TASP1: variants seen among roughly 807,000 people sequenced by gnomAD.
The protein encoded by TASP1 is taspase 1.
In TASP1, 16 loss-of-function variants were observed where a neutral mutation model predicts 56.6. That is an observed-to-expected ratio of 0.28 (90% CI 0.19 to 0.43). The LOEUF is 0.43. TASP1 is among the 20% of genes least tolerant of loss of function. The probability of loss-of-function intolerance (pLI) is 1.00; values close to 1 mark genes in which losing one functional copy is unlikely to be tolerated. For synonymous variants in TASP1, 179 were observed against 184.2 expected, an observed-to-expected ratio of 0.97 and a Z score of 0.23; for missense variants, 393 against 511.6, an observed-to-expected ratio of 0.77 and a Z score of 2.24.
intron 6 of TASP1, among the ~76,000 whole-genome samples, chr20:13,574,304 GC>G (rs2046824815): frequency 6.6e-6 from 1 of 152,114 alleles, no homozygotes; most frequent in Admixed American, 6.6e-5. Flanking sequence ...TAAGTTTAAA[GC>G]GAGACCTGAA....
At chr20:13,392,469 G>A (rs905713104) in intron 13 of TASP1, among the ~76,000 whole-genome samples, 1 of 152,194 alleles carries the variant, frequency 6.6e-6, no homozygotes, top group African/African-American at 2.4e-5. Flanking sequence ...GTTTTGGGCA[G>A]AAGCTTTGTT....
At chr20:13,631,223 T>C (rs750385627) in intron 1 of TASP1, among the ~76,000 whole-genome samples, 13 of 152,204 alleles carry the variant, frequency 8.5e-5, no homozygotes, top group Non-Finnish European at 1.6e-4. Flanking sequence ...ACAAATCATT[T>C]AAAATCAATT....
intron 4 of TASP1, among the ~76,000 whole-genome samples, chr20:13,599,004 C>T (rs910484227): frequency 7.9e-5 from 12 of 151,970 alleles, no homozygotes; most frequent in African/African-American, 2.9e-4. Flanking sequence ...ATTAGAACGG[C>T]GATCATTAAA....
At chr20:13,321,775 ATCTTT>A in the TASP1 span, among the ~76,000 whole-genome samples, 1 of 152,220 alleles carries the variant, frequency 6.6e-6, no homozygotes, top group Non-Finnish European at 1.5e-5. Context: ...TTGAATTCAC[ATCTTT>A]TCTTTTCATG....
intron 11 of TASP1, among the ~76,000 whole-genome samples, chr20:13,481,385 G>A (rs942054448): frequency 6.6e-6 from 1 of 152,082 alleles, no homozygotes; most frequent in Non-Finnish European, 1.5e-5. Context: ...ACAAACATGG[G>A]AGTGCAAATA....
At chr20:13,364,771 C>T in the TASP1 span, among the ~76,000 whole-genome samples, 1,638 of 152,304 alleles carry the variant, frequency 0.011, 31 homozygotes, top group African/African-American at 0.035. Context: ...GCTGTACCTA[C>T]TGCATTTCCC....
chr20:13,527,696 G>C (rs1018984183), intron 10 of TASP1, among the ~76,000 whole-genome samples: 1 of 151,966 alleles, frequency 6.6e-6, no homozygotes, highest in East Asian at 1.9e-4. Context: ...AAGAAGACCT[G>C]TATTACATTA....
At chr20:13,436,257 T>C (rs949398207) in intron 11 of TASP1, among the ~76,000 whole-genome samples, 1 of 152,156 alleles carries the variant, frequency 6.6e-6, no homozygotes, top group African/African-American at 2.4e-5. Context: ...AGATGGTAGG[T>C]TGACAGTGTC....
At chr20:13,502,888 A>AGAGGAT (rs2043996299) in intron 10 of TASP1, among the ~76,000 whole-genome samples, 1 of 152,178 alleles carries the variant, frequency 6.6e-6, no homozygotes, top group South Asian at 2.1e-4. Context: ...GAGACTAAGA[A>AGAGGAT]GAGGATGGGT....
In TASP1 at chr20:13,528,237, A is replaced by AG. The variant is rs373423652; in HGVS notation, c.874+195_874+196insC. The stretch of plus-strand genomic sequence containing the variant: ...TCTGACTCAAAAAAAAAAAAAAAAA[A>AG]AAAAAAAGAAAATGTTAGCAAAGTA... On this transcript the variant is annotated intron_variant, in intron 10 of 13. Coordinates refer to ENST00000337743, the MANE Select transcript of TASP1 (RefSeq NM_017714.3). Among the ~76,000 whole-genome samples, 608 of 150,314 alleles carry AG rather than the reference A, an allele frequency of 4.0e-3. 9 individuals carry two copies. Among genetic ancestry groups the AG allele is most frequent in the Non-Finnish European group, 5.8e-3 (394 of 67,660 alleles).
chr20:13,542,931 C>A, intron 8 of TASP1, among the ~76,000 whole-genome samples: 1 of 150,456 alleles, frequency 6.6e-6, no homozygotes, highest in Non-Finnish European at 1.5e-5. Context: ...ACAAGACAAA[C>A]ACAAAGAAAA....
chr20:13,174,737 T>G, the TASP1 span, among the ~76,000 whole-genome samples: 1 of 152,010 alleles, frequency 6.6e-6, no homozygotes, highest in Non-Finnish European at 1.5e-5. Context: ...GAAGATGAAC[T>G]TCTTTCATTA....
At chr20:13,184,473 C>A in the TASP1 span, among the ~76,000 whole-genome samples, 1 of 152,146 alleles carries the variant, frequency 6.6e-6, no homozygotes, top group Non-Finnish European at 1.5e-5. Context: ...TGAATTAATA[C>A]ATTGCACTTC....
the TASP1 span, among the ~76,000 whole-genome samples, chr20:13,362,156 C>T: frequency 0.2 from 28,678 of 142,608 alleles, 3,193 homozygotes; most frequent in African/African-American, 0.33. Flanking sequence ...TCTCTCTCCG[C>T]ACCACCCCCC....
chr20:13,164,824 G>A, the TASP1 span: 153 of 1,613,598 alleles, frequency 9.5e-5, no homozygotes, highest in Non-Finnish European at 1.2e-4. Context: ...AAGTCAGCAC[G>A]TCCTGAGCTC....
chr20:13,475,232 T>A (rs374298978), intron 11 of TASP1, among the ~76,000 whole-genome samples: 3 of 152,304 alleles, frequency 2.0e-5, no homozygotes, highest in African/African-American at 7.2e-5. Flanking sequence ...GATATCTTAA[T>A]GGTGGCATAC....
chr20:13,241,277 A>G, the TASP1 span, among the ~76,000 whole-genome samples: 1 of 152,188 alleles, frequency 6.6e-6, no homozygotes, highest in East Asian at 1.9e-4. Flanking sequence ...AGAATATACA[A>G]ATAAGTCTTG....
At chr20:13,427,364 G>C (rs2042652835) in intron 12 of TASP1, among the ~76,000 whole-genome samples, 1 of 152,160 alleles carries the variant, frequency 6.6e-6, no homozygotes. Context: ...TCTGAAAAGA[G>C]GGAGGAAAAT....
intron 13 of TASP1, chr20:13,392,733 G>A (rs998139475): frequency 1.7e-6 from 1 of 577,074 alleles, no homozygotes; most frequent in African/African-American, 1.9e-5. Context: ...TGGTCACCAG[G>A]GCTGCTTTTA....
Sources: allele counts gnomAD v4.1 joint callset (sites outside exome capture counted in the v4.1 genomes callset), GRCh38; gene constraint gnomAD v4.1.1; transcripts MANE v1.5; gene names NCBI Gene and HGNC (gene_info 2026-07-23, HGNC 2026-07-21).